Variants in IKZF1 observed in about 807,000 individuals in gnomAD.
IKZF1 encodes the protein DNA-binding protein Ikaros.
A neutral mutation model predicts 51.7 loss-of-function variants in IKZF1; 10 were observed. That is an observed-to-expected ratio of 0.19 (90% CI 0.12 to 0.33). The LOEUF (loss-of-function observed/expected upper bound fraction) is 0.33. IKZF1 is among the 10% of genes least tolerant of loss of function. The pLI, the probability that IKZF1 is intolerant of heterozygous loss-of-function variation, is 1.00. For missense variants in IKZF1, 484 were observed against 707.5 expected, an observed-to-expected ratio of 0.68 and a Z score of 3.58; for synonymous variants, 280 against 282.3, an observed-to-expected ratio of 0.99 and a Z score of 0.08.
intron 2 of IKZF1, among the ~76,000 whole-genome samples, chr7:50,325,200 A>T (rs942157498): frequency 6.6e-6 from 1 of 151,026 alleles, no homozygotes; most frequent in Non-Finnish European, 1.5e-5. Context: ...TAGGAGACCT[A>T]TGTGTATATT....
intron 3 of IKZF1, among the ~76,000 whole-genome samples, chr7:50,348,629 G>A (rs1047148211): frequency 2.0e-5 from 3 of 152,208 alleles, no homozygotes; most frequent in African/African-American, 7.2e-5. Flanking sequence ...TCGAGAATGA[G>A]CAAAGTGAAC....
chr7:50,404,828 G>A lies in IKZF1; in HGVS notation c.*4201G>A, dbSNP rs1818740914. The A allele has an allele frequency of 1.8e-5, 4 of 225,764 alleles. No individual in the cohort carries two copies. Among genetic ancestry groups the A allele is most frequent in the Admixed American group, 1.1e-4 (2 of 17,502 alleles). 14.0% of individuals were successfully genotyped at this position (225,764 alleles called of 1,614,324 possible). A position where few individuals can be genotyped will look rare whatever the true frequency, so the allele number is the denominator to read the frequency against. ...AGTCATAAGAATTATCCTCAACATA[G>A]CCTTTTGACGCTGTAAATCTTGAGT... is the stretch of plus-strand genomic sequence containing the variant. On this transcript the variant is annotated 3_prime_UTR_variant, in exon 8 of 8. Coordinates refer to ENST00000331340, the MANE Select transcript of IKZF1 (RefSeq NM_006060.6).
Position 50,389,247 on chromosome 7 carries a change from C to T in IKZF1, c.715+1777C>T, listed in dbSNP as rs111883543. Among the ~76,000 whole-genome samples, 1,069 of 152,308 alleles carry T rather than the reference C, an allele frequency of 7.0e-3. 10 individuals are homozygous for T. The highest frequency in any genetic ancestry group is 0.02 in the African/African-American group (822 of 41,554). ...AAAGAAACATAAAGGAGTGGATACA[C>T]GTGTGAGCAGGAGCCTAGACATGTG... On this transcript the variant is annotated intron_variant, in intron 6 of 7. Transcript: ENST00000331340.
chr7:50,375,741 A>G (rs1006097687), intron 3 of IKZF1, among the ~76,000 whole-genome samples: 32 of 121,572 alleles, frequency 2.6e-4, no homozygotes, highest in Admixed American at 2.4e-3. Flanking sequence ...CAAACACACA[A>G]GCTTCTTTCC....
At chr7:50,363,062 G>A (rs754602304) in intron 3 of IKZF1, among the ~76,000 whole-genome samples, 6 of 152,184 alleles carry the variant, frequency 3.9e-5, no homozygotes, top group Admixed American at 2.0e-4. Context: ...GGGTAGAGGC[G>A]AGCCCCCTGT....
chr7:50,387,932 G>C (rs1813894125), intron 6 of IKZF1, among the ~76,000 whole-genome samples: 1 of 152,228 alleles, frequency 6.6e-6, no homozygotes, highest in Non-Finnish European at 1.5e-5. Context: ...ACTGAGGGCA[G>C]GGTATCCACT....
chr7:50,351,910 TCA>T (rs529372582), intron 3 of IKZF1, among the ~76,000 whole-genome samples: 80 of 152,182 alleles, frequency 5.3e-4, no homozygotes, highest in Non-Finnish European at 9.6e-4. Flanking sequence ...TGAAAACGCT[TCA>T]GTCTTTTCTT....
intron 1 of IKZF1, among the ~76,000 whole-genome samples, chr7:50,317,789 T>C (rs1326682772): frequency 6.6e-6 from 1 of 152,166 alleles, no homozygotes; most frequent in African/African-American, 2.4e-5. Flanking sequence ...GTGATAGATA[T>C]ATTATATATA....
intron 1 of IKZF1, among the ~76,000 whole-genome samples, chr7:50,305,405 A>G (rs534794686): frequency 6.6e-6 from 1 of 152,326 alleles, no homozygotes; most frequent in Non-Finnish European, 1.5e-5. Context: ...CAAGTCACCA[A>G]ACCTTCTCAG....
chr7:50,309,591 G>A (rs1052151234), intron 1 of IKZF1, among the ~76,000 whole-genome samples: 1 of 152,070 alleles, frequency 6.6e-6, no homozygotes, highest in African/African-American at 2.4e-5. Context: ...CCATTTTTGA[G>A]ATCACACACT....
intron 4 of IKZF1, among the ~76,000 whole-genome samples, chr7:50,381,346 C>G (rs1296449120): frequency 1.3e-5 from 2 of 152,172 alleles, no homozygotes; most frequent in African/African-American, 4.8e-5. Context: ...TACAATATCT[C>G]AACACCAGGA....
chr7:50,391,477 T>C (rs1815040652), intron 6 of IKZF1, among the ~76,000 whole-genome samples: 1 of 152,246 alleles, frequency 6.6e-6, no homozygotes, highest in Non-Finnish European at 1.5e-5. Flanking sequence ...GTGGTGCCTG[T>C]GCATTTGGAC....
At chr7:50,309,746 A>T (rs2153332434) in intron 1 of IKZF1, among the ~76,000 whole-genome samples, 1 of 152,224 alleles carries the variant, frequency 6.6e-6, no homozygotes, top group East Asian at 1.9e-4. Flanking sequence ...TTGTTGTTAT[A>T]CCAGATTTTC....
At chr7:50,382,789 C>T in intron 5 of IKZF1, 82 bp downstream of exon 5, 1 of 1,476,456 alleles carries the variant, frequency 6.8e-7, no homozygotes, top group South Asian at 1.3e-5. Flanking sequence ...CGGATTGTGT[C>T]CTTGCTGGCT....
At chr7:50,339,168 T>C (rs1304456773) in intron 3 of IKZF1, among the ~76,000 whole-genome samples, 1 of 151,378 alleles carries the variant, frequency 6.6e-6, no homozygotes, top group Non-Finnish European at 1.5e-5. Flanking sequence ...TCCTGACAGC[T>C]GAAATTTGAC....
chr7:50,404,550 G>C lies in IKZF1; in HGVS notation c.*3923G>C, dbSNP rs537984346. 5.6e-4 allele frequency: 128 copies of C among 229,652 alleles called. No homozygotes were observed. Among genetic ancestry groups the C allele is most frequent in the Middle Eastern group, 1.3e-3 (1 of 774 alleles). The allele number at this position is 229,652 out of a possible 1,614,324, so 14.2% of individuals were successfully genotyped here. ...CCAATATGAGAGGGAGAAGAGATGG[G>C]CCTCAGGACAGCTGCAATACCACTT... On this transcript the variant is annotated 3_prime_UTR_variant, in exon 8 of 8. Coordinates refer to ENST00000331340, the MANE Select transcript of IKZF1 (RefSeq NM_006060.6).
chr7:50,403,283 G>C lies in IKZF1; in HGVS notation c.*2656G>C. On this transcript the variant is annotated 3_prime_UTR_variant, in exon 8 of 8. Coordinates refer to ENST00000331340, the MANE Select transcript of IKZF1 (RefSeq NM_006060.6). ...GCCATATCATGTACCAAAAGTTGCT[G>C]AAGTTTCTCTTCTAGCTGGTAAAGT... The C allele has an allele frequency of 4.5e-6, 1 of 223,050 alleles. No homozygotes were observed. The highest frequency in any genetic ancestry group is 9.0e-6 in the Non-Finnish European group (1 of 111,628). The allele number at this position is 223,050 out of a possible 1,614,324, so 13.8% of individuals were successfully genotyped here. A position where few individuals can be genotyped will look rare whatever the true frequency, so the allele number is the denominator to read the frequency against.
intron 4 of IKZF1, among the ~76,000 whole-genome samples, chr7:50,379,209 C>A (rs1434879462): frequency 3.3e-5 from 5 of 152,206 alleles, no homozygotes; most frequent in Non-Finnish European, 7.4e-5. Context: ...TGAGCAGTGA[C>A]AGTGAACAGG....
At position 50,319,107 on chromosome 7, in the gene IKZF1, A is replaced by G. The variant is rs759756947; in HGVS notation, c.40+6A>G. On this transcript the variant is annotated splice_donor_region_variant and intron_variant, in intron 2 of 7. Transcript: ENST00000331340. ...AGACATGTCCCAAGTTTCAGGTGAG[A>G]CCTTATGAGATAGCTGTGTGGGAAG... The G allele has an allele frequency of 1.2e-6, 2 of 1,613,214 alleles. No homozygotes were observed. The highest frequency in any genetic ancestry group is 2.2e-5 in the South Asian group (2 of 91,046).
Sources: allele counts gnomAD v4.1 joint callset (sites outside exome capture counted in the v4.1 genomes callset), GRCh38; gene constraint gnomAD v4.1.1; transcripts MANE v1.5; gene names NCBI Gene and HGNC (gene_info 2026-07-23, HGNC 2026-07-21).